Variants in CHPT1 observed in about 807,000 individuals in gnomAD.
CHPT1 encodes cholinephosphotransferase 1.
A neutral mutation model predicts 47.6 loss-of-function variants in CHPT1; 36 were observed. That is an observed-to-expected ratio of 0.76 (90% confidence interval 0.58 to 1.00). The LOEUF (loss-of-function observed/expected upper bound fraction) is 1.00, where lower values mean the gene tolerates loss of function less well. Among genes scored for constraint, CHPT1 ranks in the 50% least tolerant of loss-of-function variants. The pLI is 0.00. For missense variants in CHPT1, 458 were observed against 498.1 expected (o/e 0.92, Z 0.77); for synonymous variants, 194 against 186.3 (o/e 1.04, Z -0.33).
intron 5 of CHPT1, among the ~76,000 whole-genome samples, chr12:101,722,928 T>G (rs1232347822): frequency 6.6e-6 from 1 of 152,166 alleles, no homozygotes; most frequent in Non-Finnish European, 1.5e-5. Flanking sequence ...TTAGCCAGTT[T>G]AAAACGTGTG....
intron 8 of CHPT1, 26 bp from the exon 9 acceptor site, chr12:101,728,875 C>T (rs755740802): frequency 2.5e-6 from 4 of 1,610,730 alleles, no homozygotes; most frequent in South Asian, 2.2e-5. Flanking sequence ...TCTTAGCTAA[C>T]GTTATAATTG....
chr12:101,698,137 A>C lies in CHPT1; in HGVS notation c.273+3A>C, dbSNP rs1243149416. ...ACTGTCCCACGGCCACCGAAGAGGT[A>C]GGGCTGGCCGATCGCCCGAGCCGGG... On this transcript the variant is annotated splice_donor_region_variant and intron_variant, in intron 1 of 8. Transcript: ENST00000229266. The C allele has an allele frequency of 6.7e-7, 1 of 1,493,188 alleles. No homozygotes were observed. The highest frequency in any genetic ancestry group is 8.9e-7 in the Non-Finnish European group (1 of 1,125,836). The allele number at this position is 1,493,188 out of a possible 1,614,324, so 92.5% of individuals were successfully genotyped here. A position where few individuals can be genotyped will look rare whatever the true frequency, so the allele number is the denominator to read the frequency against.
chr12:101,714,227 T>C lies in CHPT1; in HGVS notation c.411T>C (p.Ser137=). Residue 137 remains serine (S), a synonymous_variant, in exon 2 of 9, where the codon TCT becomes TCC. Coordinates refer to ENST00000229266, the MANE Select transcript of CHPT1 (RefSeq NM_020244.3). ...AGCTCTTTGACCATGGCTGTGACTCTCTTTCCACAGGTAAATTAGTGGAGT... is the reference window on the plus strand; with the variant it reads ...AGCTCTTTGACCATGGCTGTGACTCCCTTTCCACAGGTAAATTAGTGGAGT... ...LGELFDHGCD[S]LSTVFMAVGA... 1 of 1,589,682 alleles carries C rather than the reference T, an allele frequency of 6.3e-7. No individual in the cohort carries two copies. Among genetic ancestry groups the C allele is most frequent in the Non-Finnish European group, 8.5e-7 (1 of 1,172,494 alleles).
intron 1 of CHPT1, among the ~76,000 whole-genome samples, chr12:101,708,182 T>C (rs1365691902): frequency 6.6e-6 from 1 of 152,206 alleles, no homozygotes; most frequent in African/African-American, 2.4e-5. Flanking sequence ...ATTGAGGAAG[T>C]TTTAAAATCA....
rs1951884819 is a variant in CHPT1, at chr12:101,723,191, A to C, written c.804A>C (p.Gly268=). 1 of 1,612,766 alleles carries C rather than the reference A, an allele frequency of 6.2e-7. No individual in the cohort carries two copies. The change falls in exon 6 of 9, where the codon GGA becomes GGC. Residue 268 remains glycine (G), a synonymous_variant. Coordinates refer to ENST00000229266, the MANE Select transcript of CHPT1 (RefSeq NM_020244.3). ...AGGGCACCAGTGTCTTGTCACCTGG[A>C]CTCCACATAGGACTAATTATTATAC... ...TIAGTSVLSP[G]LHIGLIIILA...
chr12:101,724,714 G>A (rs866271901), intron 7 of CHPT1, among the ~76,000 whole-genome samples: 49 of 152,032 alleles, frequency 3.2e-4, no homozygotes, highest in African/African-American at 1.1e-3. Context: ...AATTAAATTC[G>A]CTTTGATTAT....
intron 8 of CHPT1, 132 bp from the exon 9 acceptor site, chr12:101,728,765 CTATT>C: frequency 1.0e-6 from 1 of 959,198 alleles, no homozygotes; most frequent in East Asian, 2.6e-5. Context: ...TAACTCATAA[CTATT>C]TAGATTTGAC....
chr12:101,720,077 A>C, intron 4 of CHPT1, 46 bp from the exon 5 acceptor site: 4 of 1,455,548 alleles, frequency 2.7e-6, no homozygotes, highest in Non-Finnish European at 3.7e-6. Context: ...TTAATAAAAA[A>C]CCAAAATTCT....
rs1241488621 is a variant in CHPT1 at position 101,723,755 on chromosome 12, C to G, written c.973C>G (p.Gln325Glu). The G allele has an allele frequency of 6.3e-7, 1 of 1,590,724 alleles. No individual in the cohort carries two copies. Among genetic ancestry groups the G allele is most frequent in the South Asian group, 1.1e-5 (1 of 88,624 alleles). The change falls in exon 7 of 9, where the codon CAA becomes GAA. Residue 325 changes from glutamine to glutamate, a missense_variant. Transcript: ENST00000229266. Reference sequence around the variant, plus strand: ...CATGACCAAAAGTGAACTATATCTTCAAGACACTGTCTTTTTGGGGCCAGG... The same window carrying G: ...CATGACCAAAAGTGAACTATATCTTGAAGACACTGTCTTTTTGGGGCCAGG... The part of the protein sequence containing the change: ...AHMTKSELYL[Q>E]DTVFLGPGLL...
chr12:101,719,293 C>T (rs948914898), intron 4 of CHPT1, among the ~76,000 whole-genome samples: 4 of 151,852 alleles, frequency 2.6e-5, no homozygotes, highest in South Asian at 2.1e-4. Context: ...TTGGCAATAT[C>T]GTAGGAAGAA....
At chr12:101,704,228 A>G (rs969509230) in intron 1 of CHPT1, among the ~76,000 whole-genome samples, 4 of 151,704 alleles carry the variant, frequency 2.6e-5, no homozygotes, top group African/African-American at 9.7e-5. Context: ...TACGTAATGA[A>G]CATTGTATAG....
In CHPT1 at chr12:101,726,383, A is replaced by C. The variant is rs751017273; in HGVS notation, c.1155A>C (p.Ala385=). 6.2e-7 allele frequency: 1 copy of C among 1,612,944 alleles called. No individual in the cohort carries two copies. The change falls in exon 8 of 9, where the codon GCA becomes GCC. Residue 385 remains alanine, a synonymous_variant. Transcript: ENST00000229266. ...RHLHLNIFKT[A]CHQAPEQVQV... ...TTCATCTAAATATATTCAAGACTGC[A>C]TGTCATCAAGCACCTGAACAGGTTC...
chr12:101,723,724 A>C lies in CHPT1; in HGVS notation c.942A>C (p.Val314=), dbSNP rs1951897233. The change falls in exon 7 of 9, where the codon GTA becomes GTC. Residue 314 remains valine, a splice_region_variant and synonymous_variant. Transcript: ENST00000229266. ...VFAKVSQKLV[V]AHMTKSELYL... is the part of the protein sequence containing the mutation. Reference sequence around the variant, plus strand: ...TATTTTGTTTAATTTTTTTATAGGTAGCTCACATGACCAAAAGTGAACTAT... The same window carrying C: ...TATTTTGTTTAATTTTTTTATAGGTCGCTCACATGACCAAAAGTGAACTAT... 1.3e-6 allele frequency: 2 copies of C among 1,537,126 alleles called. No homozygotes were observed. Among genetic ancestry groups the C allele is most frequent in the African/African-American group, 2.8e-5 (2 of 71,116 alleles).
intron 1 of CHPT1, among the ~76,000 whole-genome samples, chr12:101,700,806 A>G (rs900170013): frequency 6.6e-6 from 1 of 152,196 alleles, no homozygotes; most frequent in African/African-American, 2.4e-5. Context: ...TCCTGAAGTA[A>G]CAGTAGTATA....
rs117135686 is a variant in CHPT1, at chr12:101,708,509, T to C, written c.274-5581T>C. Among the ~76,000 whole-genome samples, 548 of 152,306 alleles carry C rather than the reference T, an allele frequency of 3.6e-3. 1 individual carries two copies. The highest frequency in any genetic ancestry group is 7.1e-3 in the Admixed American group (109 of 15,296). ...ACCATGCAGTCATTAAAAAGAATGA[T>C]GTGGATCTCTGTGTTTGACCTGGAA... On this transcript the variant is annotated intron_variant, in intron 1 of 8. Coordinates refer to ENST00000229266, the MANE Select transcript of CHPT1 (RefSeq NM_020244.3).
chr12:101,718,216 C>T (rs1219552098), intron 4 of CHPT1, among the ~76,000 whole-genome samples: 7 of 152,124 alleles, frequency 4.6e-5, no homozygotes, highest in South Asian at 2.1e-4. Flanking sequence ...ATTATACATT[C>T]GTCATAGCAC....
intron 1 of CHPT1, among the ~76,000 whole-genome samples, chr12:101,698,823 A>G (rs1951505709): frequency 6.6e-6 from 1 of 152,196 alleles, no homozygotes; most frequent in Non-Finnish European, 1.5e-5. Context: ...TAGGCTTTGG[A>G]TAGCTGTTCA....
rs1387311062 is a variant in CHPT1 at position 101,714,574 on chromosome 12, T to G, written c.492T>G (p.Ser164=). The change falls in exon 3 of 9, where the codon TCT becomes TCG. Residue 164 remains serine (S), a synonymous_variant. Coordinates refer to ENST00000229266, the MANE Select transcript of CHPT1 (RefSeq NM_020244.3). ...GTYPDWFFFC[S]FIGMFVFYCA... is the part of the protein sequence containing the mutation. ...ATCCTGACTGGTTTTTTTTCTGCTC[T>G]TTTATTGGGATGTTTGTGTTTTATT... 6.2e-7 allele frequency: 1 copy of G among 1,613,198 alleles called. No individual in the cohort carries two copies. Among genetic ancestry groups the G allele is most frequent in the South Asian group, 1.1e-5 (1 of 90,954 alleles).
chr12:101,712,316 T>C (rs1287283653), intron 1 of CHPT1, among the ~76,000 whole-genome samples: 2 of 148,698 alleles, frequency 1.3e-5, no homozygotes, highest in Non-Finnish European at 3.0e-5. Context: ...CCGCCGAACC[T>C]GGACTGTGAT....
Sources: allele counts gnomAD v4.1 joint callset (sites outside exome capture counted in the v4.1 genomes callset), GRCh38; gene constraint gnomAD v4.1.1; transcripts MANE v1.5; gene names NCBI Gene and HGNC (gene_info 2026-07-23, HGNC 2026-07-21).